The following ADCY2 variants were observed in gnomAD, a reference collection of about 807,000 sequenced individuals.
ADCY2 encodes the protein adenylate cyclase type 2.
Under a neutral mutation model 125.2 loss-of-function variants are expected in ADCY2, and 31 were observed. That is an observed-to-expected ratio of 0.25 (90% CI 0.19 to 0.33). The LOEUF (loss-of-function observed/expected upper bound fraction) is 0.33. Among genes scored for constraint, ADCY2 ranks in the 10% least tolerant of loss-of-function variants. The pLI is 1.00. For synonymous variants in ADCY2, 512 were observed against 548.4 expected, an observed-to-expected ratio of 0.93 and a Z score of 0.93; for missense variants, 904 against 1,418.2, an observed-to-expected ratio of 0.64 and a Z score of 5.82.
chr5:7,762,993 AT>A (rs11284937), intron 16 of ADCY2, among the ~76,000 whole-genome samples: 149,701 of 152,232 alleles, frequency 0.98, 73,618 homozygotes, highest in Middle Eastern at 1. Flanking sequence ...AGCACCTATG[AT>A]TTTTTTTAAG....
intron 2 of ADCY2, among the ~76,000 whole-genome samples, chr5:7,468,888 G>A (rs1046115568): frequency 8.6e-5 from 13 of 152,028 alleles, no homozygotes; most frequent in Non-Finnish European, 1.5e-4. Context: ...GTTCATGTCC[G>A]GGAAAAGTTA....
At chr5:7,689,689 C>T (rs535947985) in intron 4 of ADCY2, among the ~76,000 whole-genome samples, 1 of 152,114 alleles carries the variant, frequency 6.6e-6, no homozygotes, top group East Asian at 1.9e-4. Context: ...AGCTTCCCCT[C>T]CTCCCCTAAT....
intron 3 of ADCY2, among the ~76,000 whole-genome samples, chr5:7,572,825 G>A: frequency 6.6e-6 from 1 of 152,034 alleles, no homozygotes; most frequent in Non-Finnish European, 1.5e-5. Context: ...GTAAGGAAGG[G>A]GTCCAGTTTC....
At chr5:7,563,478 C>T (rs7717535) in intron 3 of ADCY2, among the ~76,000 whole-genome samples, 45,633 of 151,250 alleles carry the variant, frequency 0.3, 8,024 homozygotes, top group Non-Finnish European at 0.4. Context: ...TTTTTGGAAT[C>T]ACTTGCTTCA....
At chr5:7,800,182 C>CA (rs1346399749) in intron 20 of ADCY2, 1 of 152,188 alleles carries the variant, frequency 6.6e-6, no homozygotes, top group Non-Finnish European at 1.5e-5. Flanking sequence ...AACTCTAGTA[C>CA]CAGCCTCACA....
At chr5:7,592,087 A>G (rs1371649835) in intron 3 of ADCY2, among the ~76,000 whole-genome samples, 1 of 152,160 alleles carries the variant, frequency 6.6e-6, no homozygotes. Context: ...TCACTACTCA[A>G]TTTAAACATG....
Position 7,757,593 on chromosome 5 carries a change from CCCAGAGCACGGCCGTGTTCAACA to C in ADCY2, c.2094+8_2094+30del. On this transcript the variant is annotated splice_region_variant and intron_variant, in intron 16 of 24. Transcript: ENST00000338316. The stretch of plus-strand genomic sequence containing the variant: ...GATGGCCGTGTTCAACATGGTAAGT[CCCAGAGCACGGCCGTGTTCAACA>C]TGGTAAGCCCCAGAGCATGGCCGTG... 2 of 1,554,448 alleles carry C rather than the reference CCCAGAGCACGGCCGTGTTCAACA, an allele frequency of 1.3e-6. No homozygotes were observed. The highest frequency in any genetic ancestry group is 1.8e-4 in the Middle Eastern group (1 of 5,570).
At chr5:7,486,195 G>A (rs951928627) in intron 2 of ADCY2, among the ~76,000 whole-genome samples, 15 of 152,118 alleles carry the variant, frequency 9.9e-5, no homozygotes, top group African/African-American at 3.6e-4. Flanking sequence ...TTATAGTGCT[G>A]TTGCAAATTT....
intron 22 of ADCY2, among the ~76,000 whole-genome samples, chr5:7,815,832 T>C (rs1197504726): frequency 2.0e-5 from 3 of 152,318 alleles, no homozygotes; most frequent in Middle Eastern, 3.4e-3. Context: ...AAGGCTGCCA[T>C]AACAAAGTAC....
intron 4 of ADCY2, among the ~76,000 whole-genome samples, chr5:7,663,026 C>T (rs1739586178): frequency 6.6e-6 from 1 of 152,186 alleles, no homozygotes. Flanking sequence ...GATTGTCAAA[C>T]ATCTGTTTAG....
At chr5:7,740,333 GAAAT>G (rs1171339353) in intron 14 of ADCY2, among the ~76,000 whole-genome samples, 1 of 151,940 alleles carries the variant, frequency 6.6e-6, no homozygotes, top group African/African-American at 2.4e-5. Context: ...GAGTCTCTTT[GAAAT>G]AAATAAAGCA....
At position 7,499,788 on chromosome 5, in the gene ADCY2, C is replaced by A. The variant is rs555909009; in HGVS notation, c.409-20950C>A. ...GCTACAAATAAGTATAATGAAAAAG[C>A]AAAGAAAACTGCCCATATAGAGAAA... On this transcript the variant is annotated intron_variant, in intron 2 of 24. Coordinates refer to ENST00000338316, the MANE Select transcript of ADCY2 (RefSeq NM_020546.3). Among the ~76,000 whole-genome samples the A allele has an allele frequency of 2.5e-4, 37 of 148,360 alleles. No individual in the cohort carries two copies. The South Asian group carries it at 5.7e-3, about 23-fold the overall frequency.
intron 3 of ADCY2, among the ~76,000 whole-genome samples, chr5:7,607,499 C>A (rs901112623): frequency 2.6e-5 from 4 of 152,200 alleles, no homozygotes; most frequent in Non-Finnish European, 5.9e-5. Flanking sequence ...TTGCAAGTGC[C>A]AAGTGATTCC....
chr5:7,477,492 A>G (rs1047885110), intron 2 of ADCY2, among the ~76,000 whole-genome samples: 6 of 151,922 alleles, frequency 3.9e-5, no homozygotes, highest in African/African-American at 1.4e-4. Context: ...ACCATCTAGT[A>G]CCTGCTGTCA....
intron 22 of ADCY2, among the ~76,000 whole-genome samples, chr5:7,810,391 G>A (rs1189346137): frequency 2.7e-5 from 4 of 150,352 alleles, no homozygotes; most frequent in Admixed American, 1.3e-4. Flanking sequence ...TCTACCTGAT[G>A]GGTGGGTTAT....
intron 14 of ADCY2, among the ~76,000 whole-genome samples, chr5:7,735,873 T>C (rs910044033): frequency 5.3e-5 from 8 of 152,162 alleles, no homozygotes; most frequent in Admixed American, 2.6e-4. Flanking sequence ...TTTTATGGAA[T>C]AGTTTGTAAA....
chr5:7,695,833 G>A lies in ADCY2; in HGVS notation c.951G>A (p.Glu317=), dbSNP rs767242746. 3.1e-5 allele frequency: 50 copies of A among 1,612,112 alleles called. No individual in the cohort carries two copies. The highest frequency in any genetic ancestry group is 4.2e-5 in the Non-Finnish European group (49 of 1,178,978). The change falls in exon 6 of 25, where the codon GAG becomes GAA. Residue 317 remains glutamate, a synonymous_variant. Coordinates refer to ENST00000338316, the MANE Select transcript of ADCY2 (RefSeq NM_020546.3). The stretch of plus-strand genomic sequence containing the variant: ...GAGAACTAGTCCACATGCTGAATGA[G>A]CTCTTTGGAAAGTTTGATCAAATTG... ...SPGELVHMLN[E]LFGKFDQIAK... is the part of the protein sequence containing the mutation.
intron 4 of ADCY2, among the ~76,000 whole-genome samples, chr5:7,670,813 C>T (rs1032875748): frequency 2.6e-5 from 4 of 152,160 alleles, no homozygotes; most frequent in Admixed American, 1.3e-4. Context: ...ACAGCAGAGG[C>T]GGAGCTCAAG....
chr5:7,755,787 T>G (rs58502974), intron 15 of ADCY2, among the ~76,000 whole-genome samples: 3 of 152,018 alleles, frequency 2.0e-5, no homozygotes, highest in East Asian at 1.9e-4. Flanking sequence ...TCAACTGTTG[T>G]ATCAACATTG....
Sources: gnomAD v4.1 joint callset for allele counts (sites outside exome capture counted in the v4.1 genomes callset) on GRCh38, gnomAD v4.1.1 for gene constraint, MANE v1.5 for transcripts, NCBI Gene and HGNC (gene_info 2026-07-23, HGNC 2026-07-21) for gene names.